Variants in CELF2 observed in about 807,000 individuals in gnomAD.
CELF2 encodes the protein CUGBP Elav-like family member 2, also known as CUG triplet repeat RNA-binding protein 2.
Under a neutral mutation model 62.6 loss-of-function variants are expected in CELF2, and 8 were observed. The observed-to-expected ratio is 0.13, with a 90% CI of 0.07 to 0.23. The LOEUF is 0.23. Ranked by LOEUF, CELF2 falls within the 10% of genes least tolerant of loss-of-function variation. CELF2 has a pLI of 1.00. For synonymous variants in CELF2, 258 were observed against 250.0 expected (o/e 1.03, Z -0.30); for missense variants, 333 against 671.0 (o/e 0.50, Z 5.56).
chr10:11,106,154 A>G (rs1486428576), intron 1 of CELF2, among the ~76,000 whole-genome samples: 1 of 152,010 alleles, frequency 6.6e-6, no homozygotes, highest in Non-Finnish European at 1.5e-5. Context: ...AAGGCAGAAA[A>G]CATCCAAACC....
the CELF2 span, among the ~76,000 whole-genome samples, chr10:10,715,009 A>G: frequency 6.6e-6 from 1 of 152,120 alleles, no homozygotes; most frequent in Non-Finnish European, 1.5e-5. Context: ...TTGCTTAGAG[A>G]TTATTATTGG....
At chr10:10,578,421 C>G in the CELF2 span, among the ~76,000 whole-genome samples, 1 of 152,138 alleles carries the variant, frequency 6.6e-6, no homozygotes, top group Non-Finnish European at 1.5e-5. Flanking sequence ...GTGTTTTAGA[C>G]ATGAAGTCCT....
intron 2 of CELF2, among the ~76,000 whole-genome samples, chr10:11,181,587 CTCTTCCTCCTGGACACCCCAGCAGAG>C (rs1216960760): frequency 6.6e-6 from 1 of 152,244 alleles, no homozygotes; most frequent in Non-Finnish European, 1.5e-5. Context: ...TCCATAATGG[CTCTTCCTCCTGGACACCCCAGCAGAG>C]TCATGTCTCG....
At chr10:10,594,661 C>A in the CELF2 span, among the ~76,000 whole-genome samples, 39 of 152,266 alleles carry the variant, frequency 2.6e-4, no homozygotes, top group African/African-American at 9.4e-4. Flanking sequence ...GAAAACAGAA[C>A]CAAGAATTTG....
intron 2 of CELF2, among the ~76,000 whole-genome samples, chr10:11,170,007 G>T (rs1389310024): frequency 6.6e-6 from 1 of 152,208 alleles, no homozygotes; most frequent in African/African-American, 2.4e-5. Context: ...GAGGACCCAA[G>T]AGTATTTCAG....
At chr10:10,671,165 C>CAAA in the CELF2 span, among the ~76,000 whole-genome samples, 3 of 62,836 alleles carry the variant, frequency 4.8e-5, no homozygotes, top group African/African-American at 1.0e-4. Flanking sequence ...GATCCTGTCT[C>CAAA]AAAAAAAAAA....
intron 1 of CELF2, among the ~76,000 whole-genome samples, chr10:11,116,909 A>C (rs1424876055): frequency 2.0e-5 from 3 of 152,250 alleles, no homozygotes; most frequent in Admixed American, 1.3e-4. Context: ...TGAACGGCTT[A>C]CAGATACTAT....
the CELF2 span, among the ~76,000 whole-genome samples, chr10:10,782,042 G>T: frequency 2.0e-5 from 3 of 152,180 alleles, no homozygotes; most frequent in African/African-American, 7.2e-5. Flanking sequence ...AAGTATAAGG[G>T]AGGATTACAT....
In CELF2 at chr10:11,329,892, A is replaced by C. The variant is rs2095954933; in HGVS notation, c.*839A>C. ...AGAAAGCCACAGGCCTGTAAATTTT[A>C]TTTGTAAAAAAGCATTTCTATTTTT... is the stretch of plus-strand genomic sequence containing the variant. On this transcript the variant is annotated 3_prime_UTR_variant, in exon 13 of 13. Coordinates refer to ENST00000633077, the MANE Select transcript of CELF2 (RefSeq NM_001326342.2). This position sits in a 1 kb window ranked among gnomAD's most constrained non-coding sequence, Gnocchi z 5.5. 6.6e-6 allele frequency: 1 copy of C among 152,556 alleles called. No homozygotes were observed. Among genetic ancestry groups the C allele is most frequent in the Non-Finnish European group, 1.5e-5 (1 of 68,010 alleles). 9.5% of individuals were successfully genotyped at this position (152,556 alleles called of 1,614,324 possible).
At chr10:11,072,594 G>C (rs1300519797) in intron 1 of CELF2, among the ~76,000 whole-genome samples, 3 of 152,136 alleles carry the variant, frequency 2.0e-5, no homozygotes, top group Non-Finnish European at 2.9e-5. Context: ...CTGGACTCTG[G>C]GACAAACCAG....
chr10:10,767,889 G>C, the CELF2 span, among the ~76,000 whole-genome samples: 1 of 123,138 alleles, frequency 8.1e-6, no homozygotes, highest in Non-Finnish European at 1.6e-5. Flanking sequence ...CCAGCTACTC[G>C]GGAGGCTGAG....
chr10:10,574,278 G>A, the CELF2 span, among the ~76,000 whole-genome samples: 1 of 152,170 alleles, frequency 6.6e-6, no homozygotes, highest in East Asian at 1.9e-4. Flanking sequence ...GAAGGCAGTA[G>A]GACTGTCATC....
chr10:10,474,742 T>C, the CELF2 span, among the ~76,000 whole-genome samples: 1 of 152,110 alleles, frequency 6.6e-6, no homozygotes, highest in South Asian at 2.1e-4. Flanking sequence ...GGGTTTGAAC[T>C]GAAGACTTTT....
At chr10:11,009,124 G>T (rs1409694888) in intron 1 of CELF2, among the ~76,000 whole-genome samples, 1 of 151,836 alleles carries the variant, frequency 6.6e-6, no homozygotes, top group African/African-American at 2.4e-5. Flanking sequence ...GAAAGACAAG[G>T]CAGTGGTGTG....
intron 2 of CELF2, chr10:10,924,207 G>A (rs563061130): frequency 2.0e-5 from 3 of 149,242 alleles, no homozygotes; most frequent in East Asian, 4.0e-4. Context: ...GCGTGAACCC[G>A]GGAGGCGGAG....
rs764656335 is a variant in CELF2, at chr10:11,165,443, A to T, written c.75-43A>T. The T allele has an allele frequency of 6.4e-7, 1 of 1,570,620 alleles. No individual in the cohort carries two copies. The highest frequency in any genetic ancestry group is 1.4e-5 in the African/African-American group (1 of 72,264). ...CCACTATTTTTTCTTCCTGTCCCTC[A>T]TCGTGCCGCCCTAACTCTGGCTCCC... On this transcript the variant is annotated intron_variant, in intron 1 of 12. Transcript: ENST00000633077. This position sits in a 1 kb window ranked among gnomAD's most constrained non-coding sequence, Gnocchi z 7.4.
the CELF2 span, among the ~76,000 whole-genome samples, chr10:10,553,440 T>C: frequency 6.6e-6 from 1 of 152,114 alleles, no homozygotes; most frequent in Non-Finnish European, 1.5e-5. Flanking sequence ...TAAAACCTAA[T>C]CACCTCTCAA....
chr10:11,239,136 C>T (rs2072751740), intron 3 of CELF2, among the ~76,000 whole-genome samples: 1 of 152,144 alleles, frequency 6.6e-6, no homozygotes, highest in African/African-American at 2.4e-5. Flanking sequence ...TCCAAATTCC[C>T]TCATAGAATT....
At chr10:10,567,044 T>C in the CELF2 span, among the ~76,000 whole-genome samples, 3 of 152,160 alleles carry the variant, frequency 2.0e-5, no homozygotes, top group African/African-American at 2.4e-5. Context: ...AAAAGTGAAC[T>C]GGATGTTTAT....
Sources: allele counts gnomAD v4.1 joint callset (sites outside exome capture counted in the v4.1 genomes callset), GRCh38; gene constraint gnomAD v4.1.1; non-coding constraint Gnocchi (gnomAD v3.1); transcripts MANE v1.5; gene names NCBI Gene and HGNC (gene_info 2026-07-23, HGNC 2026-07-21).